Variants in ARL5A observed in about 807,000 individuals in gnomAD.
The protein encoded by ARL5A is ADP-ribosylation factor-like protein 5A.
Under a neutral mutation model 25.9 loss-of-function variants are expected in ARL5A, and 18 were observed. That is an observed-to-expected ratio of 0.69 (90% confidence interval 0.48 to 1.03). The LOEUF is 1.03. ARL5A is among the 50% of genes least tolerant of loss of function. The probability of loss-of-function intolerance (pLI) is 0.00; values close to 1 mark genes in which losing one functional copy is unlikely to be tolerated. For missense variants in ARL5A, 170 were observed against 211.9 expected (o/e 0.80, Z 1.23); for synonymous variants, 61 against 67.5 (o/e 0.90, Z 0.47).
In ARL5A at chr2:151,828,155, T is replaced by C. The variant is rs778324868; in HGVS notation, c.22A>G (p.Ile8Val). MGILFTR[I>V]WRLFNHQEHK... The stretch of plus-strand genomic sequence containing the variant: ...CCCTGGTGATTGAACAGTCTCCATA[T>C]TCTAGTGAAGAGAATTCCCATTCTC... Residue 8 changes from isoleucine to valine, a missense_variant, in exon 1 of 6, where the codon ATA becomes GTA. Ile to Val is a conservative substitution (Grantham distance 29). Coordinates refer to ENST00000295087, the MANE Select transcript of ARL5A (RefSeq NM_012097.4). 30 of 1,608,682 alleles carry C rather than the reference T, an allele frequency of 1.9e-5. No individual in the cohort carries two copies. The South Asian group carries it at 2.3e-4, about 12-fold the overall frequency.
At chr2:151,818,392 C>T (rs2099831810) in intron 1 of ARL5A, among the ~76,000 whole-genome samples, 1 of 152,192 alleles carries the variant, frequency 6.6e-6, no homozygotes, top group Non-Finnish European at 1.5e-5. Context: ...GATCCACCCA[C>T]CTCACCCTCC....
In ARL5A at chr2:151,812,451, T is replaced by G. The variant is rs908731108; in HGVS notation, c.256-11A>C. ...AACAACTATTACAAACTAAAATAAT[T>G]ACAAAAAAATTATTAGTGATTATAC... On this transcript the variant is annotated splice_polypyrimidine_tract_variant and intron_variant, in intron 3 of 5. Coordinates refer to ENST00000295087, the MANE Select transcript of ARL5A (RefSeq NM_012097.4). The G allele has an allele frequency of 1.3e-6, 2 of 1,531,248 alleles. No homozygotes were observed. Among genetic ancestry groups the G allele is most frequent in the Non-Finnish European group, 1.8e-6 (2 of 1,131,708 alleles). The allele number at this position is 1,531,248 out of a possible 1,614,324, so 94.9% of individuals were successfully genotyped here.
intron 1 of ARL5A, among the ~76,000 whole-genome samples, chr2:151,818,606 T>C (rs78021462): frequency 0.025 from 3,748 of 152,312 alleles, 174 homozygotes; most frequent in African/African-American, 0.086. Flanking sequence ...AGGCCATGCC[T>C]GCATGAGGGC....
rs2099829348 is a variant in ARL5A at position 151,801,039 on chromosome 2, T to C, written c.*2237A>G. 6.6e-6 allele frequency: 1 copy of C among 152,626 alleles called. No individual in the cohort carries two copies. The highest frequency in any genetic ancestry group is 2.1e-4 in the South Asian group (1 of 4,832). The allele number at this position is 152,626 out of a possible 1,614,324, so 9.5% of individuals were successfully genotyped here. ...TAATACTTTTAAAATGATTTTGACA[T>C]TTTCATATATAAATTTATTTTTTTC... On this transcript the variant is annotated 3_prime_UTR_variant, in exon 6 of 6. Transcript: ENST00000295087.
At chr2:151,822,218 C>A (rs2151297246) in intron 1 of ARL5A, among the ~76,000 whole-genome samples, 1 of 152,244 alleles carries the variant, frequency 6.6e-6, no homozygotes, top group African/African-American at 2.4e-5. Context: ...GCCATGTTGG[C>A]CAAGCTGGTC....
chr2:151,801,968 T>C lies in ARL5A; in HGVS notation c.*1308A>G, dbSNP rs1217704841. The stretch of plus-strand genomic sequence containing the variant: ...TGAAAAAATATACCCTAAGCAAACA[T>C]AAAAGGTGTTTTGGGTCAAGTTACT... On this transcript the variant is annotated 3_prime_UTR_variant, in exon 6 of 6. Transcript: ENST00000295087. 1.3e-5 allele frequency: 2 copies of C among 152,082 alleles called. No homozygotes were observed. The highest frequency in any genetic ancestry group is 2.9e-5 in the Non-Finnish European group (2 of 67,942). 9.4% of individuals were successfully genotyped at this position (152,082 alleles called of 1,614,324 possible). A position where few individuals can be genotyped will look rare whatever the true frequency, so the allele number is the denominator to read the frequency against.
intron 1 of ARL5A, chr2:151,827,714 T>G: frequency 5.7e-6 from 1 of 174,110 alleles, no homozygotes. Context: ...AGTGGTGCGG[T>G]TAGGGCAGCA....
chr2:151,808,514 TG>T (rs2099830390), intron 4 of ARL5A, among the ~76,000 whole-genome samples: 1 of 152,246 alleles, frequency 6.6e-6, no homozygotes. Context: ...CTCTGCAGGA[TG>T]GCAGCTATTA....
chr2:151,804,314 T>G (rs1286686579), intron 5 of ARL5A, among the ~76,000 whole-genome samples: 3 of 152,054 alleles, frequency 2.0e-5, no homozygotes, highest in Non-Finnish European at 4.4e-5. Flanking sequence ...AAACTAAAAG[T>G]TGAGCAAGAG....
intron 4 of ARL5A, among the ~76,000 whole-genome samples, chr2:151,811,697 G>A (rs867551888): frequency 2.0e-5 from 3 of 152,016 alleles, no homozygotes; most frequent in South Asian, 4.2e-4. Flanking sequence ...TCAGTCTCAC[G>A]AGTAGCTGGG....
rs929791386 is a variant in ARL5A, at chr2:151,801,477, G to A, written c.*1799C>T. On this transcript the variant is annotated 3_prime_UTR_variant, in exon 6 of 6. Coordinates refer to ENST00000295087, the MANE Select transcript of ARL5A (RefSeq NM_012097.4). ...AAAGGAGATTTTTAATAGATAACAA[G>A]TAATTCTTTATAGGGATTTGAGAAA... is the stretch of plus-strand genomic sequence containing the variant. 9 of 152,124 alleles carry A rather than the reference G, an allele frequency of 5.9e-5. No individual in the cohort carries two copies. The highest frequency in any genetic ancestry group is 1.2e-4 in the Non-Finnish European group (8 of 67,976). 9.4% of individuals were successfully genotyped at this position (152,124 alleles called of 1,614,324 possible).
At chr2:151,804,966 C>T (rs2099829897) in intron 5 of ARL5A, among the ~76,000 whole-genome samples, 1 of 152,110 alleles carries the variant, frequency 6.6e-6, no homozygotes, top group Non-Finnish European at 1.5e-5. Flanking sequence ...AACAAAATTG[C>T]TTTACCTCTT....
At chr2:151,814,101 A>C (rs2099831186) in intron 3 of ARL5A, 68 bp downstream of exon 3, 2 of 1,369,286 alleles carry the variant, frequency 1.5e-6, no homozygotes, top group Non-Finnish European at 2.0e-6. Context: ...ATTAACTATA[A>C]GGACTCAAAT....
intron 5 of ARL5A, among the ~76,000 whole-genome samples, chr2:151,804,505 TG>T (rs2099829838): frequency 6.6e-6 from 1 of 152,158 alleles, no homozygotes; most frequent in African/African-American, 2.4e-5. Flanking sequence ...AGAAAAAAGA[TG>T]GCAATGAGGT....
At chr2:151,805,606 G>C (rs1220290838) in intron 5 of ARL5A, among the ~76,000 whole-genome samples, 1 of 152,112 alleles carries the variant, frequency 6.6e-6, no homozygotes, top group Non-Finnish European at 1.5e-5. Context: ...GTATAGCCTA[G>C]TATGCACCTA....
chr2:151,805,142 A>C (rs1248214602), intron 5 of ARL5A, among the ~76,000 whole-genome samples: 2 of 152,178 alleles, frequency 1.3e-5, no homozygotes, highest in East Asian at 3.8e-4. Flanking sequence ...AGACTATTTG[A>C]CAAAGAAATA....
chr2:151,812,495 T>A (rs2099830967), intron 3 of ARL5A, 55 bp from the exon 4 acceptor site: 2 of 1,189,870 alleles, frequency 1.7e-6, no homozygotes, highest in Admixed American at 2.5e-5. Flanking sequence ...ATCTGTAAAA[T>A]TTATAATGTG....
At chr2:151,814,136 T>G (rs2151294461) in intron 3 of ARL5A, 33 bp downstream of exon 3, 1 of 1,520,396 alleles carries the variant, frequency 6.6e-7, no homozygotes, top group East Asian at 2.4e-5. Context: ...AGCATTCTGT[T>G]TATAGAATTT....
Position 151,802,519 on chromosome 2 carries a change from C to T in ARL5A, c.*757G>A, listed in dbSNP as rs1396877361. ...TAAGCCAAGAATCTGCTAGCTTTCC[C>T]ACTCTGTTGAATTACATGTTTCCAT... On this transcript the variant is annotated 3_prime_UTR_variant, in exon 6 of 6. Coordinates refer to ENST00000295087, the MANE Select transcript of ARL5A (RefSeq NM_012097.4). 6.6e-6 allele frequency: 1 copy of T among 152,070 alleles called. No individual in the cohort carries two copies. Among genetic ancestry groups the T allele is most frequent in the Non-Finnish European group, 1.5e-5 (1 of 67,968 alleles). 9.4% of individuals were successfully genotyped at this position (152,070 alleles called of 1,614,324 possible). A position where few individuals can be genotyped will look rare whatever the true frequency, so the allele number is the denominator to read the frequency against.
Sources: gnomAD v4.1 joint callset for allele counts (sites outside exome capture counted in the v4.1 genomes callset) on GRCh38, gnomAD v4.1.1 for gene constraint, MANE v1.5 for transcripts, NCBI Gene and HGNC (gene_info 2026-07-23, HGNC 2026-07-21) for gene names.